The following ADCY2 variants were observed in gnomAD, a reference collection of about 807,000 sequenced individuals.
ADCY2 encodes adenylate cyclase 2.
In ADCY2, 31 loss-of-function variants were observed where a neutral mutation model predicts 125.2. The observed-to-expected ratio is 0.25, with a 90% CI of 0.19 to 0.33. ADCY2 has a LOEUF of 0.33. Ranked by LOEUF, ADCY2 falls within the 10% of genes least tolerant of loss-of-function variation. ADCY2 has a pLI of 1.00. For missense variants in ADCY2, 904 were observed against 1,418.2 expected (o/e 0.64, Z 5.82); for synonymous variants, 512 against 548.4 (o/e 0.93, Z 0.93).
chr5:7,671,130 C>G (rs1470785957), intron 4 of ADCY2, among the ~76,000 whole-genome samples: 1 of 152,194 alleles, frequency 6.6e-6, no homozygotes, highest in Non-Finnish European at 1.5e-5. Flanking sequence ...CTATGAACAG[C>G]ATGCCTATGT....
intron 4 of ADCY2, among the ~76,000 whole-genome samples, chr5:7,656,054 CTTT>C (rs1272806102): frequency 7.6e-6 from 1 of 132,358 alleles, no homozygotes; most frequent in Non-Finnish European, 1.6e-5. Context: ...TTTTCATTTT[CTTT>C]TTTTTTTTTT....
At chr5:7,703,429 G>A (rs367757928) in intron 7 of ADCY2, among the ~76,000 whole-genome samples, 8 of 151,946 alleles carry the variant, frequency 5.3e-5, no homozygotes, top group East Asian at 1.9e-4. Context: ...ATCCAGTTTC[G>A]GCTTTCTACA....
At chr5:7,570,973 C>G (rs1736048729) in intron 3 of ADCY2, among the ~76,000 whole-genome samples, 1 of 152,080 alleles carries the variant, frequency 6.6e-6, no homozygotes, top group African/African-American at 2.4e-5. Flanking sequence ...ATTGTTGATT[C>G]TATCAGAAAT....
intron 24 of ADCY2, among the ~76,000 whole-genome samples, chr5:7,823,160 G>A (rs74971824): frequency 0.011 from 1,687 of 152,284 alleles, 30 homozygotes; most frequent in East Asian, 0.062. Context: ...TTACTTCTAA[G>A]TATCTGCCTT....
intron 13 of ADCY2, among the ~76,000 whole-genome samples, chr5:7,726,292 T>A (rs551190000): frequency 6.6e-6 from 1 of 152,338 alleles, no homozygotes; most frequent in African/African-American, 2.4e-5. Context: ...CTGGTGAAGG[T>A]CCTGGTTTCC....
At chr5:7,562,348 G>A (rs1735732855) in intron 3 of ADCY2, among the ~76,000 whole-genome samples, 1 of 151,886 alleles carries the variant, frequency 6.6e-6, no homozygotes, top group Non-Finnish European at 1.5e-5. Context: ...GTTAAACTCT[G>A]GGAAAGATAT....
Position 7,396,324 on chromosome 5 carries a change from C to T in ADCY2, c.28C>T (p.Arg10Cys), listed in dbSNP as rs1739030086. The change falls in exon 1 of 25, where the codon CGC becomes TGC. Residue 10 changes from arginine to cysteine, a missense_variant. By Grantham distance (180) the Arg-to-Cys change is radical. Transcript: ENST00000338316. The surrounding 1 kb of genome is among the most constrained non-coding windows in gnomAD (Gnocchi z 5.7). The stretch of plus-strand genomic sequence containing the variant: ...GTGGCAGGAGGCGATGCGGCGCCGC[C>T]GCTACCTGCGGGACCGCTCCGAGGA... Reference protein sequence around the residue: MWQEAMRRRRYLRDRSEEAA... With the variant: MWQEAMRRRCYLRDRSEEAA... 8 of 1,484,582 alleles carry T rather than the reference C, an allele frequency of 5.4e-6. No individual in the cohort carries two copies. Among genetic ancestry groups the T allele is most frequent in the Admixed American group, 2.3e-5 (1 of 44,096 alleles). 92.0% of individuals were successfully genotyped at this position (1,484,582 alleles called of 1,614,324 possible).
Position 7,826,893 on chromosome 5 carries a change from A to G in ADCY2, c.*22A>G. ...CTGAAGAGTCACCTTCATTTTGGCAAGAAGACTGTATTTTCAGGAAGGTAT... is the reference window on the plus strand; with the variant it reads ...CTGAAGAGTCACCTTCATTTTGGCAGGAAGACTGTATTTTCAGGAAGGTAT... On this transcript the variant is annotated 3_prime_UTR_variant, in exon 25 of 25. Transcript: ENST00000338316. 6.3e-7 allele frequency: 1 copy of G among 1,580,322 alleles called. No individual in the cohort carries two copies. The highest frequency in any genetic ancestry group is 2.2e-5 in the East Asian group (1 of 44,738).
rs1315650732 is a variant in ADCY2 at position 7,829,892 on chromosome 5, A to G, written c.*3021A>G. ...CAGGAGTCTGAGACCAGCCTGGGCA[A>G]CATAGCAAGACCCCCATCTCTGCAA... On this transcript the variant is annotated 3_prime_UTR_variant, in exon 25 of 25. Coordinates refer to ENST00000338316, the MANE Select transcript of ADCY2 (RefSeq NM_020546.3). 6.6e-6 allele frequency: 1 copy of G among 152,202 alleles called. No homozygotes were observed. The highest frequency in any genetic ancestry group is 2.4e-5 in the African/African-American group (1 of 41,422). The allele number at this position is 152,202 out of a possible 1,614,324, so 9.4% of individuals were successfully genotyped here. A position where few individuals can be genotyped will look rare whatever the true frequency, so the allele number is the denominator to read the frequency against.
intron 23 of ADCY2, among the ~76,000 whole-genome samples, chr5:7,819,256 C>A (rs1336773069): frequency 6.6e-6 from 1 of 152,158 alleles, no homozygotes; most frequent in Non-Finnish European, 1.5e-5. Flanking sequence ...ACAGACACAC[C>A]TAGGAACAGT....
chr5:7,549,691 C>A (rs1024385954), intron 3 of ADCY2, among the ~76,000 whole-genome samples: 1 of 152,200 alleles, frequency 6.6e-6, no homozygotes, highest in Non-Finnish European at 1.5e-5. Context: ...ACATTCGTTT[C>A]TCATTTTTAG....
chr5:7,518,780 G>C (rs1272046302), intron 2 of ADCY2, among the ~76,000 whole-genome samples: 1 of 152,126 alleles, frequency 6.6e-6, no homozygotes, highest in Non-Finnish European at 1.5e-5. Flanking sequence ...AAGGTGCTCA[G>C]AGTCCACCCT....
chr5:7,481,919 C>A (rs1742746780), intron 2 of ADCY2, among the ~76,000 whole-genome samples: 1 of 151,932 alleles, frequency 6.6e-6, no homozygotes, highest in African/African-American at 2.4e-5. Flanking sequence ...CCATGTTTTT[C>A]TTTAGTAGTT....
intron 2 of ADCY2, among the ~76,000 whole-genome samples, chr5:7,463,027 T>A (rs935009506): frequency 2.6e-5 from 4 of 152,190 alleles, no homozygotes; most frequent in African/African-American, 7.2e-5. Context: ...CTGAACAGGT[T>A]TGGGCTGTCC....
intron 4 of ADCY2, among the ~76,000 whole-genome samples, chr5:7,666,818 A>G (rs1739774369): frequency 1.3e-5 from 2 of 152,206 alleles, no homozygotes; most frequent in African/African-American, 2.4e-5. Context: ...GGTCAGGGTC[A>G]TGGATTCTAT....
intron 2 of ADCY2, among the ~76,000 whole-genome samples, chr5:7,433,401 A>T (rs868611911): frequency 2.6e-5 from 4 of 152,328 alleles, no homozygotes; most frequent in Middle Eastern, 3.4e-3. Context: ...AACTTAAAAA[A>T]ACCATACATG....
intron 3 of ADCY2, among the ~76,000 whole-genome samples, chr5:7,599,434 T>C (rs889195903): frequency 6.6e-6 from 1 of 152,094 alleles, no homozygotes; most frequent in African/African-American, 2.4e-5. Flanking sequence ...GATTGGGTAG[T>C]GGGAGGAGAC....
At chr5:7,412,895 G>A (rs1417521683) in intron 1 of ADCY2, among the ~76,000 whole-genome samples, 1 of 152,200 alleles carries the variant, frequency 6.6e-6, no homozygotes, top group Non-Finnish European at 1.5e-5. Context: ...CAGGATGGTG[G>A]TTGTAAAGAT....
chr5:7,489,603 C>G (rs1033037183), intron 2 of ADCY2, among the ~76,000 whole-genome samples: 1 of 152,190 alleles, frequency 6.6e-6, no homozygotes, highest in Non-Finnish European at 1.5e-5. Context: ...CTTTGCTCTA[C>G]CTTCATCTTC....
Sources: allele counts gnomAD v4.1 joint callset (sites outside exome capture counted in the v4.1 genomes callset), GRCh38; gene constraint gnomAD v4.1.1; non-coding constraint Gnocchi (gnomAD v3.1); transcripts MANE v1.5; gene names NCBI Gene and HGNC (gene_info 2026-07-23, HGNC 2026-07-21).